ITPR3: variants seen among roughly 807,000 people sequenced by gnomAD.
The protein encoded by ITPR3 is inositol 1,4,5-trisphosphate-gated calcium channel ITPR3.
In ITPR3, 173 loss-of-function variants were observed where a neutral mutation model predicts 293.2. The ratio of observed to expected loss-of-function variants is 0.59; its 90% CI spans 0.52 to 0.67. The LOEUF is 0.67. Among genes scored for constraint, ITPR3 ranks in the 30% least tolerant of loss-of-function variants. The probability of loss-of-function intolerance (pLI) is 0.00; values close to 1 mark genes in which losing one functional copy is unlikely to be tolerated. For missense variants in ITPR3, 2,796 were observed against 3,592.1 expected (o/e 0.78, Z 5.66); for synonymous variants, 1,295 against 1,444.4 (o/e 0.90, Z 2.35).
At chr6:33,622,887 C>T (rs1009375490) in intron 1 of ITPR3, among the ~76,000 whole-genome samples, 1 of 152,204 alleles carries the variant, frequency 6.6e-6, no homozygotes, top group Non-Finnish European at 1.5e-5. Context: ...AGGGAGTTCT[C>T]ACCTGGCATT....
chr6:33,659,118 A>G lies in ITPR3; in HGVS notation c.626A>G (p.Glu209Gly). The change falls in exon 6 of 58, where the codon GAG becomes GGG. Residue 209 changes from glutamate to glycine, a missense_variant and splice_region_variant. Around this residue, in one of 8 missense-constraint regions of ITPR3, gnomAD observed 144 missense variants for 230.8 expected, o/e 0.62. Transcript: ENST00000605930. ...CTCAGCGACAACGCCGGCTGCAAGG[A>G]GGTGAGGGGGTGGGGGGTCAGCCAT... ...YELSDNAGCK[E>G]VNSVNCNTSW... 6.2e-7 allele frequency: 1 copy of G among 1,604,486 alleles called. No homozygotes were observed.
intron 2 of ITPR3, among the ~76,000 whole-genome samples, chr6:33,646,812 G>A (rs1019996453): frequency 6.6e-6 from 1 of 152,062 alleles, no homozygotes; most frequent in African/African-American, 2.4e-5. Context: ...AGCTACACAG[G>A]AGACTGAGGT....
At position 33,678,536 on chromosome 6, in the gene ITPR3, C is replaced by A. The variant is rs866221796; in HGVS notation, c.3764C>A (p.Thr1255Lys). 1 of 1,609,650 alleles carries A rather than the reference C, an allele frequency of 6.2e-7. No homozygotes were observed. Among genetic ancestry groups the A allele is most frequent in the East Asian group, 2.2e-5 (1 of 44,678 alleles). Residue 1255 changes from threonine to lysine, a missense_variant, in exon 29 of 58, where the codon ACG becomes AAG. Thr to Lys is a moderately conservative substitution (Grantham distance 78). Around this residue, in one of 8 missense-constraint regions of ITPR3, gnomAD observed 344 missense variants for 460.3 expected, o/e 0.75. Coordinates refer to ENST00000605930, the MANE Select transcript of ITPR3 (RefSeq NM_002224.4). ...LLHKHLHLFL[T>K]PGLLEAETMQ... Reference sequence around the variant, plus strand: ...CACAAACACCTGCACCTCTTCCTCACGCCAGGGGTGAGGGTGCAGGGCTGG... The same window carrying A: ...CACAAACACCTGCACCTCTTCCTCAAGCCAGGGGTGAGGGTGCAGGGCTGG...
intron 31 of ITPR3, 38 bp downstream of exon 31, chr6:33,680,171 GGGCGAAGGGGT>G (rs1438249168): frequency 1.2e-6 from 2 of 1,602,350 alleles, no homozygotes; most frequent in Non-Finnish European, 1.7e-6. Flanking sequence ...GCTGGAGATG[GGGCGAAGGGGT>G]GGGTAAAGCC....
At position 33,655,043 on chromosome 6, in the gene ITPR3, A is replaced by G. The variant is rs1764273530; in HGVS notation, c.161-723A>G. ...TACTTGCCAAAATAAAAATTGTACT[A>G]GAGAACATGTTTCTGGAATTTGGAT... On this transcript the variant is annotated intron_variant, in intron 2 of 57. Transcript: ENST00000605930. This position sits in a 1 kb window ranked among gnomAD's most constrained non-coding sequence, Gnocchi z 4.9. Among the ~76,000 whole-genome samples, 1 of 152,268 alleles carries G rather than the reference A, an allele frequency of 6.6e-6. No individual in the cohort carries two copies. Among genetic ancestry groups the G allele is most frequent in the Admixed American group, 6.5e-5 (1 of 15,294 alleles).
chr6:33,622,625 C>A (rs1160404139), intron 1 of ITPR3, among the ~76,000 whole-genome samples: 4 of 152,176 alleles, frequency 2.6e-5, no homozygotes, highest in African/African-American at 9.7e-5. Context: ...ACATGGCTGT[C>A]CTCTAGGGTA....
intron 1 of ITPR3, among the ~76,000 whole-genome samples, chr6:33,639,632 A>G (rs950720357): frequency 6.6e-6 from 1 of 152,118 alleles, no homozygotes; most frequent in African/African-American, 2.4e-5. Flanking sequence ...GCATCACTTT[A>G]TCTTAGAGGC....
At chr6:33,677,150 G>A (rs372335599) in intron 27 of ITPR3, 61 bp downstream of exon 27, 53 of 1,459,966 alleles carry the variant, frequency 3.6e-5, no homozygotes, top group East Asian at 3.5e-4. Context: ...GGGGGCTCCC[G>A]CTGGCCCGGC....
At chr6:33,626,839 C>T (rs1034885726) in intron 1 of ITPR3, among the ~76,000 whole-genome samples, 1 of 152,102 alleles carries the variant, frequency 6.6e-6, no homozygotes, top group African/African-American at 2.4e-5. Context: ...GAGTTTTGCT[C>T]TTGTTTTCCA....
intron 7 of ITPR3, 123 bp downstream of exon 7, chr6:33,659,672 C>A (rs1764407583): frequency 1.3e-6 from 1 of 773,336 alleles, no homozygotes; most frequent in South Asian, 1.6e-5. Context: ...TTTGCACCCC[C>A]CAGCCTCCCT....
chr6:33,664,048 G>A lies in ITPR3; in HGVS notation c.1148+168G>A, dbSNP rs1036884774. Among the ~76,000 whole-genome samples, 7 of 152,060 alleles carry A rather than the reference G, an allele frequency of 4.6e-5. No homozygotes were observed. The highest frequency in any genetic ancestry group is 2.1e-4 in the South Asian group (1 of 4,812). ...GGGATCTAGCTCTGAGTCTGTCGGCGGCTGACCACCATTGCATGCCTGCCT... is the reference window on the plus strand; with the variant it reads ...GGGATCTAGCTCTGAGTCTGTCGGCAGCTGACCACCATTGCATGCCTGCCT... On this transcript the variant is annotated intron_variant, in intron 11 of 57. Transcript: ENST00000605930. The surrounding 1 kb of genome is among the most constrained non-coding windows in gnomAD (Gnocchi z 4.4).
At chr6:33,644,287 C>CT (rs541840395) in intron 2 of ITPR3, among the ~76,000 whole-genome samples, 30,043 of 145,478 alleles carry the variant, frequency 0.21, 3,549 homozygotes, top group South Asian at 0.3. Context: ...GATCTTTTTA[C>CT]TTTTTTTTTT....
intron 17 of ITPR3, 74 bp from the exon 18 acceptor site, chr6:33,668,900 G>A: frequency 6.8e-7 from 1 of 1,477,798 alleles, no homozygotes; most frequent in Non-Finnish European, 9.3e-7. Context: ...TGTGTGGCCG[G>A]GTGTGCTCAG....
rs1764633599 is a variant in ITPR3 at position 33,667,232 on chromosome 6, T to C, written c.1655T>C (p.Met552Thr). Residue 552 changes from methionine (M) to threonine (T), a missense_variant, in exon 15 of 58, where the codon ATG becomes ACG. Around this residue, in one of 8 missense-constraint regions of ITPR3, gnomAD observed 955 missense variants for 1,180.8 expected, o/e 0.81. Transcript: ENST00000605930. This position sits in a 1 kb window ranked among gnomAD's most constrained non-coding sequence, Gnocchi z 4.4. ...CAGAAGAACGCCCCCTACCAGCACA[T>C]GTTCCGCCTGTGCTACCGCGTGTTG... ...SDQKNAPYQH[M>T]FRLCYRVLRH... is the part of the protein sequence containing the mutation. 2 of 1,613,848 alleles carry C rather than the reference T, an allele frequency of 1.2e-6. No homozygotes were observed. Among genetic ancestry groups the C allele is most frequent in the Non-Finnish European group, 1.7e-6 (2 of 1,180,006 alleles).
intron 43 of ITPR3, 60 bp from the exon 44 acceptor site, chr6:33,686,949 A>T (rs1473959663): frequency 1.5e-6 from 2 of 1,321,000 alleles, no homozygotes; most frequent in East Asian, 2.3e-5. Context: ...ATGAGGGAGA[A>T]GTTGTCAGGG....
intron 1 of ITPR3, among the ~76,000 whole-genome samples, chr6:33,637,136 T>G (rs9469536): frequency 0.029 from 4,361 of 152,298 alleles, 81 homozygotes; most frequent in African/African-American, 0.033. Context: ...GTCCTGCAGT[T>G]CAATTCAATT....
chr6:33,694,482 G>A (rs1368485836), intron 56 of ITPR3: 2 of 225,790 alleles, frequency 8.9e-6, no homozygotes, highest in East Asian at 1.7e-4. Context: ...CCTCAGCGGA[G>A]CCTCCTGATC....
rs1765500211 is a variant in ITPR3 at position 33,694,948 on chromosome 6, C to T, written c.7810C>T (p.Arg2604Trp). 1 of 1,614,120 alleles carries T rather than the reference C, an allele frequency of 6.2e-7. No individual in the cohort carries two copies. The highest frequency in any genetic ancestry group is 8.5e-7 in the Non-Finnish European group (1 of 1,180,024). The change falls in exon 57 of 58, where the codon CGG becomes TGG. Residue 2604 changes from arginine to tryptophan, a missense_variant. By Grantham distance (101) the Arg-to-Trp change is moderately radical. Around this residue, in one of 8 missense-constraint regions of ITPR3, gnomAD observed 568 missense variants for 796.1 expected, o/e 0.71. Transcript: ENST00000605930. ...IKNKNLDWFP[R>W]MRAMSLVSNE... is the part of the protein sequence containing the mutation. ...GAACAAGAACCTGGACTGGTTCCCC[C>T]GGATGCGGGCCATGTCCCTTGTCAG...
chr6:33,663,505 C>G lies in ITPR3; in HGVS notation c.960C>G (p.Asn320Lys). ...ATGNYLAAEE[N>K]PSYKGDASDP... ...CATCTTGTATCTCTGTCCAGGAGAA[C>G]CCCAGTTACAAAGGTGATGCCTCAG... The change falls in exon 10 of 58, where the codon AAC (asparagine) becomes AAG (lysine). Residue 320 changes from asparagine to lysine, a missense_variant. Around this residue, in one of 8 missense-constraint regions of ITPR3, gnomAD observed 955 missense variants for 1,180.8 expected, o/e 0.81. Coordinates refer to ENST00000605930, the MANE Select transcript of ITPR3 (RefSeq NM_002224.4). 1 of 1,605,424 alleles carries G rather than the reference C, an allele frequency of 6.2e-7. No individual in the cohort carries two copies. Among genetic ancestry groups the G allele is most frequent in the African/African-American group, 1.3e-5 (1 of 74,824 alleles).
Sources: gnomAD v4.1 joint callset for allele counts (sites outside exome capture counted in the v4.1 genomes callset) on GRCh38, gnomAD v4.1.1 for gene constraint, gnomAD v4.1.1 regional missense constraint, Gnocchi (gnomAD v3.1) non-coding constraint, MANE v1.5 for transcripts, NCBI Gene and HGNC (gene_info 2026-07-23, HGNC 2026-07-21) for gene names.